VRK2: variants seen among roughly 807,000 people sequenced by gnomAD.
VRK2 encodes the protein VRK serine/threonine kinase 2, also known as serine/threonine-protein kinase VRK2.
VRK2 carries 60 observed loss-of-function variants against 57.6 expected under a neutral mutation model. The observed-to-expected ratio is 1.04, with a 90% CI of 0.85 to 1.29. VRK2 has a LOEUF of 1.29. Among genes scored for constraint, VRK2 ranks in the 50% most tolerant of loss-of-function variants. The pLI is 0.00. For synonymous variants in VRK2, 231 were observed against 199.2 expected (o/e 1.16, Z -1.35); for missense variants, 705 against 588.1 (o/e 1.20, Z -2.06).
At chr2:58,140,091 A>G (rs1185105588) in intron 11 of VRK2, among the ~76,000 whole-genome samples, 2 of 152,040 alleles carry the variant, frequency 1.3e-5, no homozygotes, top group East Asian at 3.9e-4. Context: ...TGACTAGGGT[A>G]AAGGCTAATC....
At chr2:58,040,978 T>G (rs564043828) in intron 3 of VRK2, 1 of 926,464 alleles carries the variant, frequency 1.1e-6, no homozygotes, top group African/African-American at 1.8e-5. Flanking sequence ...CTATTCTTAT[T>G]GAACATTCAG....
chr2:57,923,557 T>C (rs1019810515), intron 1 of VRK2, among the ~76,000 whole-genome samples: 2 of 151,974 alleles, frequency 1.3e-5, no homozygotes, highest in Admixed American at 1.3e-4. Context: ...TCAGATCTTT[T>C]GTCTGTTTTT....
intron 1 of VRK2, among the ~76,000 whole-genome samples, chr2:57,972,643 C>A (rs576249137): frequency 2.0e-5 from 3 of 151,826 alleles, no homozygotes; most frequent in South Asian, 4.1e-4. Context: ...TGTTTGTATT[C>A]TTTGTCTTAA....
At chr2:58,074,276 A>G (rs997881109) in intron 2 of VRK2, among the ~76,000 whole-genome samples, 2 of 152,094 alleles carry the variant, frequency 1.3e-5, no homozygotes, top group Admixed American at 6.6e-5. Context: ...TATTTAGATC[A>G]TTAACATTTA....
intron 2 of VRK2, among the ~76,000 whole-genome samples, chr2:58,080,319 A>G (rs1238841287): frequency 6.6e-6 from 1 of 151,966 alleles, no homozygotes; most frequent in Non-Finnish European, 1.5e-5. Context: ...GTTTAAAAAA[A>G]TATTTTAGAT....
intron 1 of VRK2, among the ~76,000 whole-genome samples, chr2:57,960,902 G>A (rs934898259): frequency 2.6e-5 from 4 of 152,188 alleles, no homozygotes; most frequent in African/African-American, 7.2e-5. Flanking sequence ...TCTCTCTTCC[G>A]AGAGGAGCAA....
intron 7 of VRK2, among the ~76,000 whole-genome samples, chr2:58,110,857 C>CA (rs773311853): frequency 1.3e-5 from 2 of 152,168 alleles, no homozygotes; most frequent in African/African-American, 2.4e-5. Context: ...AGCTCCAGAG[C>CA]AAAGCTTGCC....
chr2:58,153,885 G>C (rs1293269335), intron 12 of VRK2, among the ~76,000 whole-genome samples: 3 of 152,052 alleles, frequency 2.0e-5, no homozygotes, highest in African/African-American at 7.2e-5. Flanking sequence ...AGACTATTCA[G>C]ATATTTATTT....
chr2:58,038,892 G>C (rs1219145427), intron 3 of VRK2, among the ~76,000 whole-genome samples: 1 of 151,952 alleles, frequency 6.6e-6, no homozygotes, highest in Non-Finnish European at 1.5e-5. Context: ...AAATAAGACT[G>C]ATCAACATTC....
At chr2:58,132,092 T>C (rs1679292864) in intron 9 of VRK2, 164 bp downstream of exon 9, 1 of 730,334 alleles carries the variant, frequency 1.4e-6, no homozygotes, top group South Asian at 2.2e-5. Flanking sequence ...AACTAACACA[T>C]AAAATCCATT....
intron 1 of VRK2, among the ~76,000 whole-genome samples, chr2:57,923,454 T>A (rs2103912162): frequency 6.6e-6 from 1 of 152,164 alleles, no homozygotes; most frequent in South Asian, 2.1e-4. Context: ...TCTTTGTAGC[T>A]TTGATTTGCA....
chr2:58,147,724 T>C (rs1232397228), intron 12 of VRK2, among the ~76,000 whole-genome samples: 1 of 151,838 alleles, frequency 6.6e-6, no homozygotes, highest in Non-Finnish European at 1.5e-5. Context: ...CTAGATTAGA[T>C]TTGCCTCTTC....
intron 1 of VRK2, among the ~76,000 whole-genome samples, chr2:57,998,640 C>T (rs1572759882): frequency 1.3e-5 from 2 of 152,186 alleles, no homozygotes; most frequent in South Asian, 4.2e-4. Flanking sequence ...CTTTAATGAA[C>T]GGGCCTGATG....
intron 1 of VRK2, among the ~76,000 whole-genome samples, chr2:58,010,429 T>C (rs1673385159): frequency 6.6e-6 from 1 of 152,116 alleles, no homozygotes; most frequent in Admixed American, 6.6e-5. Flanking sequence ...TCTGTTCTTA[T>C]TTACTGCCAA....
At position 58,123,197 on chromosome 2, in the gene VRK2, A is replaced by G. The variant is rs1677790230; in HGVS notation, c.640A>G (p.Ile214Val). The G allele has an allele frequency of 6.3e-7, 1 of 1,590,610 alleles. No homozygotes were observed. The highest frequency in any genetic ancestry group is 8.5e-7 in the Non-Finnish European group (1 of 1,173,954). Residue 214 changes from isoleucine to valine, a missense_variant, in exon 8 of 13, where the codon ATA (isoleucine) becomes GTA (valine). Physicochemically the swap from Ile to Val is conservative, Grantham distance 29. Coordinates refer to ENST00000340157, the MANE Select transcript of VRK2 (RefSeq NM_006296.7). ...TCCTAGAAAAGGCCATAATGGGACA[A>G]TAGAGTTTACCAGCTTGGATGCCCA... is the stretch of plus-strand genomic sequence containing the variant. ...ENPRKGHNGT[I>V]EFTSLDAHKG... is the part of the protein sequence containing the mutation.
intron 1 of VRK2, among the ~76,000 whole-genome samples, chr2:57,932,259 G>C (rs1670753514): frequency 1.3e-5 from 2 of 152,078 alleles, no homozygotes; most frequent in East Asian, 3.8e-4. Flanking sequence ...TTTTGGAAGA[G>C]TTTGAGGAAG....
chr2:58,110,732 G>T (rs1675427655), intron 7 of VRK2, among the ~76,000 whole-genome samples: 2 of 152,154 alleles, frequency 1.3e-5, no homozygotes, highest in Non-Finnish European at 2.9e-5. Context: ...TCCAGAGCGG[G>T]ATGTTGATCT....
intron 2 of VRK2, among the ~76,000 whole-genome samples, chr2:58,081,772 T>C (rs1670904389): frequency 6.6e-6 from 1 of 151,768 alleles, no homozygotes; most frequent in Non-Finnish European, 1.5e-5. Context: ...GTATGAGTAT[T>C]TGATGAACAT....
At chr2:57,921,457 G>A (rs1480593799) in intron 1 of VRK2, among the ~76,000 whole-genome samples, 1 of 152,026 alleles carries the variant, frequency 6.6e-6, no homozygotes, top group Non-Finnish European at 1.5e-5. Context: ...CCTGGGGATT[G>A]TCTGACAAGG....
Sources: gnomAD v4.1 joint callset for allele counts (sites outside exome capture counted in the v4.1 genomes callset) on GRCh38, gnomAD v4.1.1 for gene constraint, MANE v1.5 for transcripts, NCBI Gene and HGNC (gene_info 2026-07-23, HGNC 2026-07-21) for gene names.